Variants in GATB observed in about 807,000 individuals in gnomAD.
GATB encodes glutamyl-tRNA(Gln) amidotransferase subunit B, mitochondrial.
Under a neutral mutation model 62.3 loss-of-function variants are expected in GATB, and 39 were observed. The observed-to-expected ratio is 0.63, with a 90% CI of 0.48 to 0.82. The LOEUF (loss-of-function observed/expected upper bound fraction) is 0.82. GATB is among the 40% of genes least tolerant of loss of function. The pLI is 0.00. For synonymous variants in GATB, 276 were observed against 258.9 expected (o/e 1.07, Z -0.63); for missense variants, 670 against 684.0 (o/e 0.98, Z 0.23).
At chr4:151,689,863 T>G (rs1209463406) in intron 9 of GATB, among the ~76,000 whole-genome samples, 1 of 152,110 alleles carries the variant, frequency 6.6e-6, no homozygotes, top group Admixed American at 6.5e-5. Flanking sequence ...CCAGCTCAGA[T>G]AGTTTTGACA....
At chr4:151,714,798 T>TA (rs141212884) in intron 5 of GATB, among the ~76,000 whole-genome samples, 8 of 151,792 alleles carry the variant, frequency 5.3e-5, no homozygotes, top group African/African-American at 1.9e-4. Context: ...TTCTGTGGAT[T>TA]AAAAAAAAAC....
At chr4:151,687,031 A>G (rs1020107456) in intron 10 of GATB, 2 of 152,004 alleles carry the variant, frequency 1.3e-5, no homozygotes, top group African/African-American at 4.8e-5. Context: ...CTCTCAGAGC[A>G]CCCCTGTCAC....
chr4:151,760,954 C>T lies in GATB; in HGVS notation c.29G>A (p.Cys10Tyr). Residue 10 changes from cysteine (C) to tyrosine (Y), a missense_variant, in exon 1 of 13, where the codon TGC (cysteine) becomes TAC (tyrosine). Transcript: ENST00000263985. Reference sequence around the variant, plus strand: ...GGCGAAAGCCCAACGTCTTCCACGGCAGCCCCAGCGCAGCATGGGCGCCGC... The same window carrying T: ...GGCGAAAGCCCAACGTCTTCCACGGTAGCCCCAGCGCAGCATGGGCGCCGC... The part of the protein sequence containing the change: MAAPMLRWG[C>Y]RGRRWAFARV... 10 of 1,613,110 alleles carry T rather than the reference C, an allele frequency of 6.2e-6. No individual in the cohort carries two copies. Among genetic ancestry groups the T allele is most frequent in the African/African-American group, 1.3e-5 (1 of 75,042 alleles).
chr4:151,694,861 G>T (rs543295694), intron 9 of GATB, among the ~76,000 whole-genome samples: 1 of 152,310 alleles, frequency 6.6e-6, no homozygotes, highest in African/African-American at 2.4e-5. Flanking sequence ...GAAAATTCTT[G>T]AAAAACAATC....
chr4:151,708,939 A>G (rs1007497211), intron 5 of GATB, among the ~76,000 whole-genome samples: 2 of 152,254 alleles, frequency 1.3e-5, no homozygotes, highest in Non-Finnish European at 2.9e-5. Context: ...GATGTAGGTA[A>G]GAAAGAATCA....
Position 151,679,800 on chromosome 4 carries a change from A to T in GATB, c.1410+13T>A. The T allele has an allele frequency of 6.2e-7, 1 of 1,609,476 alleles. No individual in the cohort carries two copies. The highest frequency in any genetic ancestry group is 8.5e-7 in the Non-Finnish European group (1 of 1,175,762). On this transcript the variant is annotated intron_variant, in intron 11 of 12. Transcript: ENST00000263985. The stretch of plus-strand genomic sequence containing the variant: ...AGTAGCACAGTCAGAAGCTGTCGGG[A>T]GTGTGGACATACCTGTTTAGCTGCT...
intron 10 of GATB, among the ~76,000 whole-genome samples, chr4:151,680,317 A>C (rs1738114454): frequency 6.6e-6 from 1 of 151,554 alleles, no homozygotes; most frequent in Non-Finnish European, 1.5e-5. Flanking sequence ...CACGTTTCTG[A>C]GTGTTTCTGT....
At chr4:151,707,943 G>A (rs1560851739) in intron 6 of GATB, 45 bp downstream of exon 6, 2 of 1,285,858 alleles carry the variant, frequency 1.6e-6, no homozygotes, top group Non-Finnish European at 2.3e-6. Flanking sequence ...CAGCAAGAGA[G>A]AAACAATAGG....
intron 9 of GATB, among the ~76,000 whole-genome samples, chr4:151,698,884 T>G (rs1738542619): frequency 6.6e-6 from 1 of 152,122 alleles, no homozygotes; most frequent in Non-Finnish European, 1.5e-5. Context: ...ACCCTTCTTT[T>G]TTTTTTTCCA....
intron 3 of GATB, 169 bp from the exon 4 acceptor site, chr4:151,717,243 T>C (rs1376298622): frequency 3.2e-6 from 2 of 628,552 alleles, no homozygotes; most frequent in Non-Finnish European, 5.5e-6. Context: ...CAGCCATCAT[T>C]GAGCCTGGTC....
intron 2 of GATB, among the ~76,000 whole-genome samples, chr4:151,732,204 A>G (rs1318526337): frequency 6.6e-6 from 1 of 151,996 alleles, no homozygotes; most frequent in African/African-American, 2.4e-5. Flanking sequence ...CCTGGCCACC[A>G]CCCCATCAGG....
Position 151,683,743 on chromosome 4 carries a change from T to C in GATB, c.1332-3852A>G, listed in dbSNP as rs376996623. ...AAAAGCAATTCTTAGTCACAGGCTCTACAGAAACAGGCCAGAGGCTGACAT... is the reference window on the plus strand; with the variant it reads ...AAAAGCAATTCTTAGTCACAGGCTCCACAGAAACAGGCCAGAGGCTGACAT... On this transcript the variant is annotated intron_variant, in intron 10 of 12. Coordinates refer to ENST00000263985, the MANE Select transcript of GATB (RefSeq NM_004564.3). Among the ~76,000 whole-genome samples the C allele has an allele frequency of 3.3e-5, 5 of 152,356 alleles. No individual in the cohort carries two copies. The South Asian group carries it at 1.0e-3, about 32-fold the overall frequency.
intron 9 of GATB, chr4:151,691,845 T>G (rs1462211951): frequency 6.6e-6 from 1 of 152,208 alleles, no homozygotes. Context: ...AGTGGCAGAC[T>G]CAGAGAAGGA....
chr4:151,751,879 C>G (rs1414992501), intron 2 of GATB, among the ~76,000 whole-genome samples: 1 of 152,172 alleles, frequency 6.6e-6, no homozygotes, highest in South Asian at 2.1e-4. Flanking sequence ...TCCCTACTCT[C>G]ATTTTTTCCT....
Position 151,691,875 on chromosome 4 carries a change from C to T in GATB, c.1198-3112G>A, listed in dbSNP as rs190119547. Reference sequence around the variant, plus strand: ...GAAGGAAAAGCAGCCCAGAAGAATGCAAGTTGAGGAACAGCTGGTTATGTG... The same window carrying T: ...GAAGGAAAAGCAGCCCAGAAGAATGTAAGTTGAGGAACAGCTGGTTATGTG... On this transcript the variant is annotated intron_variant, in intron 9 of 12. Transcript: ENST00000263985. Among the ~76,000 whole-genome samples the T allele has an allele frequency of 2.0e-5, 3 of 152,292 alleles. No homozygotes were observed. In the East Asian group the frequency reaches 5.8e-4, roughly 29 times the overall value.
At chr4:151,710,314 A>G (rs1738792098) in intron 5 of GATB, among the ~76,000 whole-genome samples, 1 of 152,326 alleles carries the variant, frequency 6.6e-6, no homozygotes, top group African/African-American at 2.4e-5. Flanking sequence ...CATCTGACGT[A>G]TACATATGCA....
intron 2 of GATB, among the ~76,000 whole-genome samples, chr4:151,746,178 C>T (rs1482115903): frequency 2.6e-5 from 4 of 152,150 alleles, no homozygotes; most frequent in Admixed American, 2.0e-4. Context: ...CAAGCATTTC[C>T]GATGACAAAA....
chr4:151,678,581 G>A (rs982860309), intron 11 of GATB, among the ~76,000 whole-genome samples: 7 of 152,008 alleles, frequency 4.6e-5, no homozygotes, highest in Non-Finnish European at 7.4e-5. Flanking sequence ...CCTAAACGCG[G>A]TGAGGTCCCT....
intron 11 of GATB, chr4:151,674,364 G>T (rs1231280446): frequency 2.6e-5 from 4 of 152,226 alleles, no homozygotes; most frequent in Non-Finnish European, 4.4e-5. Flanking sequence ...CCATGGAGCT[G>T]CCCTGTAAGT....
Sources: allele counts gnomAD v4.1 joint callset (sites outside exome capture counted in the v4.1 genomes callset), GRCh38; gene constraint gnomAD v4.1.1; transcripts MANE v1.5; gene names NCBI Gene and HGNC (gene_info 2026-07-23, HGNC 2026-07-21).